The following RBFOX1 variants were observed in gnomAD, a reference collection of about 807,000 sequenced individuals.
The protein encoded by RBFOX1 is RNA binding protein fox-1 homolog 1.
A neutral mutation model predicts 57.7 loss-of-function variants in RBFOX1; 8 were observed. That is an observed-to-expected ratio of 0.14 (90% CI 0.08 to 0.25). The LOEUF (loss-of-function observed/expected upper bound fraction) is 0.25, where lower values mean the gene tolerates loss of function less well. Among genes scored for constraint, RBFOX1 ranks in the 10% least tolerant of loss-of-function variants. RBFOX1 has a pLI of 1.00. For missense variants in RBFOX1, 611 were observed against 548.5 expected, an observed-to-expected ratio of 1.11 and a Z score of -1.14; for synonymous variants, 326 against 222.4, an observed-to-expected ratio of 1.47 and a Z score of -4.15.
chr16:6,601,482 C>A (rs576045476), intron 2 of RBFOX1, among the ~76,000 whole-genome samples: 1 of 152,042 alleles, frequency 6.6e-6, no homozygotes, highest in African/African-American at 2.4e-5. Context: ...TAAGGGAACT[C>A]TACATACAAG....
At chr16:5,692,191 G>T (rs890793112) in intron 3 of RBFOX1, among the ~76,000 whole-genome samples, 2 of 149,066 alleles carry the variant, frequency 1.3e-5, no homozygotes, top group African/African-American at 5.1e-5. Context: ...GTGTGTGTGT[G>T]TGTGTGTGTG....
At chr16:7,327,812 CCT>C (rs1491546795) in intron 4 of RBFOX1, among the ~76,000 whole-genome samples, 2 of 121,046 alleles carry the variant, frequency 1.7e-5, no homozygotes, top group Non-Finnish European at 3.2e-5. Context: ...AACAATATTA[CCT>C]TTTTTTTTTT....
At chr16:5,469,537 C>T (rs1242970817) in intron 2 of RBFOX1, among the ~76,000 whole-genome samples, 1 of 152,116 alleles carries the variant, frequency 6.6e-6, no homozygotes, top group East Asian at 1.9e-4. Context: ...TGAAGTTAGG[C>T]GTTTTACAGT....
rs6500966 is a variant in RBFOX1, at chr16:7,425,981, A to T, written c.28-92166A>T. On this transcript the variant is annotated intron_variant, in intron 4 of 15. Coordinates refer to ENST00000550418, the MANE Select transcript of RBFOX1 (RefSeq NM_018723.4). The stretch of plus-strand genomic sequence containing the variant: ...ATCCATGAGCTCAGATCAATTGTTT[A>T]TACACATTGGTGTTCATTTGTTCAA... Among the ~76,000 whole-genome samples the T allele has an allele frequency of 9.1e-3, 1,380 of 152,332 alleles. 21 individuals carry two copies. The highest frequency in any genetic ancestry group is 0.031 in the African/African-American group (1,306 of 41,580).
intron 3 of RBFOX1, among the ~76,000 whole-genome samples, chr16:5,683,376 C>T (rs1181328851): frequency 6.6e-6 from 1 of 151,696 alleles, no homozygotes; most frequent in African/African-American, 2.4e-5. Context: ...TACTGAGTGT[C>T]AACTTGATTG....
At position 7,492,531 on chromosome 16, in the gene RBFOX1, C is replaced by T. The variant is rs78254201; in HGVS notation, c.28-25616C>T. Among the ~76,000 whole-genome samples the T allele has an allele frequency of 4.5e-3, 689 of 152,192 alleles. 20 individuals are homozygous for T. The East Asian group carries it at 0.078, about 17-fold the overall frequency. Reference sequence around the variant, plus strand: ...ACTAGCCACATGTAGCTACTTAAAACGACACTAAATAAAATTAAAATTCAG... The same window carrying T: ...ACTAGCCACATGTAGCTACTTAAAATGACACTAAATAAAATTAAAATTCAG... On this transcript the variant is annotated intron_variant, in intron 4 of 15. Coordinates refer to ENST00000550418, the MANE Select transcript of RBFOX1 (RefSeq NM_018723.4).
chr16:5,955,413 A>AAAT (rs796427730), intron 4 of RBFOX1, among the ~76,000 whole-genome samples: 1 of 60,994 alleles, frequency 1.6e-5, no homozygotes, highest in Non-Finnish European at 4.0e-5. Flanking sequence ...AAATAAAATA[A>AAAT]AAGTCTTTCC....
At chr16:5,701,615 G>T (rs901293306) in intron 3 of RBFOX1, among the ~76,000 whole-genome samples, 18 of 152,012 alleles carry the variant, frequency 1.2e-4, no homozygotes, top group African/African-American at 4.3e-4. Flanking sequence ...GTATTTTTTT[G>T]TAGGGACAGA....
rs2097411955 is a variant in RBFOX1 at position 6,575,124 on chromosome 16, G to T, written c.-63-79479G>T. The stretch of plus-strand genomic sequence containing the variant: ...ACATGGCCTGGGGTCTCCCCGCAAG[G>T]CGACAGGACAGATTACGACACGTTG... On this transcript the variant is annotated intron_variant, in intron 2 of 15. Transcript: ENST00000550418. Among the ~76,000 whole-genome samples the T allele has an allele frequency of 3.3e-5, 5 of 151,858 alleles. 1 individual carries two copies. In the South Asian group the frequency reaches 1.0e-3, roughly 32 times the overall value.
intron 3 of RBFOX1, among the ~76,000 whole-genome samples, chr16:6,699,037 T>C (rs7198388): frequency 0.98 from 148,798 of 152,260 alleles, 72,781 homozygotes; most frequent in Middle Eastern, 1. Flanking sequence ...TAAAAATGGG[T>C]GTTTCTGTTA....
At chr16:7,672,270 T>G (rs2071714894) in intron 13 of RBFOX1, among the ~76,000 whole-genome samples, 1 of 152,212 alleles carries the variant, frequency 6.6e-6, no homozygotes. Flanking sequence ...GTCTCCAAAT[T>G]TGGTCTATTA....
intron 4 of RBFOX1, among the ~76,000 whole-genome samples, chr16:7,188,574 T>C (rs927764118): frequency 1.3e-5 from 2 of 152,166 alleles, no homozygotes; most frequent in African/African-American, 2.4e-5. Context: ...GAATGCTATT[T>C]TATACTCTAA....
At chr16:7,694,619 C>G (rs950671797) in intron 14 of RBFOX1, among the ~76,000 whole-genome samples, 3 of 152,202 alleles carry the variant, frequency 2.0e-5, no homozygotes, top group Admixed American at 6.5e-5. Flanking sequence ...AACCCCTAGA[C>G]TCGTATCTCT....
At chr16:5,934,287 G>A (rs2059125854) in intron 4 of RBFOX1, among the ~76,000 whole-genome samples, 1 of 152,220 alleles carries the variant, frequency 6.6e-6, no homozygotes. Context: ...ACTACAAAGA[G>A]GCACAGAGCC....
intron 2 of RBFOX1, among the ~76,000 whole-genome samples, chr16:5,509,396 C>G (rs922684379): frequency 6.6e-6 from 1 of 152,192 alleles, no homozygotes; most frequent in Non-Finnish European, 1.5e-5. Flanking sequence ...ATCTCTTTCA[C>G]CCATGAACTG....
intron 1 of RBFOX1, among the ~76,000 whole-genome samples, chr16:5,256,484 T>G (rs1567242008): frequency 6.6e-6 from 1 of 152,148 alleles, no homozygotes; most frequent in Non-Finnish European, 1.5e-5. Flanking sequence ...CACATCTGCT[T>G]CTCTCCCAGG....
intron 1 of RBFOX1, chr16:6,093,096 C>G (rs1567437694): frequency 6.6e-6 from 1 of 152,264 alleles, no homozygotes; most frequent in East Asian, 1.9e-4. Context: ...CTTTTGTTTG[C>G]TTCATTTTGC....
intron 3 of RBFOX1, among the ~76,000 whole-genome samples, chr16:5,645,006 C>T (rs1006075588): frequency 3.3e-5 from 5 of 151,288 alleles, no homozygotes; most frequent in Non-Finnish European, 7.4e-5. Context: ...GAGGCTGAGG[C>T]GAGTGGATCA....
intron 4 of RBFOX1, among the ~76,000 whole-genome samples, chr16:7,075,186 C>G (rs1409433223): frequency 6.6e-6 from 1 of 152,170 alleles, no homozygotes. Flanking sequence ...TAGGTACAGA[C>G]TGCAGTGATG....
Sources: gnomAD v4.1 joint callset for allele counts (sites outside exome capture counted in the v4.1 genomes callset) on GRCh38, gnomAD v4.1.1 for gene constraint, MANE v1.5 for transcripts, NCBI Gene and HGNC (gene_info 2026-07-23, HGNC 2026-07-21) for gene names.